The following BTBD9 variants were observed in gnomAD, a reference collection of about 807,000 sequenced individuals.
The protein encoded by BTBD9 is BTB/POZ domain-containing protein 9.
In BTBD9, 49 loss-of-function variants were observed where a neutral mutation model predicts 64.3. The observed-to-expected ratio is 0.76, with a 90% CI of 0.61 to 0.97. The LOEUF (loss-of-function observed/expected upper bound fraction) is 0.97, where lower values mean the gene tolerates loss of function less well. Ranked by LOEUF, BTBD9 falls within the 50% of genes least tolerant of loss-of-function variation. The probability of loss-of-function intolerance (pLI) is 0.00; values close to 1 mark genes in which losing one functional copy is unlikely to be tolerated. For synonymous variants in BTBD9, 260 were observed against 274.7 expected, an observed-to-expected ratio of 0.95 and a Z score of 0.53; for missense variants, 598 against 762.1, an observed-to-expected ratio of 0.78 and a Z score of 2.53.
chr6:38,208,161 T>C (rs1258017214), intron 9 of BTBD9, among the ~76,000 whole-genome samples: 1 of 152,156 alleles, frequency 6.6e-6, no homozygotes, highest in Non-Finnish European at 1.5e-5. Context: ...ATAAAAGCTG[T>C]CCCCTGTCAA....
At chr6:38,415,099 T>C (rs1582391548) in intron 6 of BTBD9, among the ~76,000 whole-genome samples, 3 of 152,232 alleles carry the variant, frequency 2.0e-5, no homozygotes. Context: ...TCATTATCAA[T>C]ATAGACCTAG....
At chr6:38,261,725 T>C (rs1764800902) in intron 8 of BTBD9, among the ~76,000 whole-genome samples, 1 of 152,232 alleles carries the variant, frequency 6.6e-6, no homozygotes, top group African/African-American at 2.4e-5. Flanking sequence ...ATTCTTTTTT[T>C]CTGAACAGCA....
intron 1 of BTBD9, among the ~76,000 whole-genome samples, chr6:38,638,263 T>A (rs1008667647): frequency 5.3e-5 from 8 of 152,158 alleles, no homozygotes; most frequent in Non-Finnish European, 1.0e-4. Flanking sequence ...AATTATTTTA[T>A]ACATCTCCTA....
At chr6:38,235,810 G>T (rs1763758301) in intron 9 of BTBD9, among the ~76,000 whole-genome samples, 1 of 151,832 alleles carries the variant, frequency 6.6e-6, no homozygotes, top group Non-Finnish European at 1.5e-5. Context: ...CCTTTTTTGT[G>T]CCAGGGATCT....
At chr6:38,424,600 G>A (rs1408264918) in intron 6 of BTBD9, among the ~76,000 whole-genome samples, 1 of 151,010 alleles carries the variant, frequency 6.6e-6, no homozygotes, top group Non-Finnish European at 1.5e-5. Flanking sequence ...CATTGCAACC[G>A]CTGCCTCCCG....
At chr6:38,210,986 C>G (rs1762814207) in intron 9 of BTBD9, among the ~76,000 whole-genome samples, 1 of 152,204 alleles carries the variant, frequency 6.6e-6, no homozygotes, top group Non-Finnish European at 1.5e-5. Context: ...CAGCTCCCCT[C>G]CCCTTCCCCA....
At chr6:38,449,429 C>T (rs550662069) in intron 6 of BTBD9, among the ~76,000 whole-genome samples, 3 of 152,008 alleles carry the variant, frequency 2.0e-5, no homozygotes, top group Non-Finnish European at 4.4e-5. Flanking sequence ...GACACATAGA[C>T]TAGTGAACAG....
At chr6:38,206,124 TTTGTGTTGCTCTGACAACACAAA>T (rs1211506643) in intron 9 of BTBD9, among the ~76,000 whole-genome samples, 1 of 151,832 alleles carries the variant, frequency 6.6e-6, no homozygotes, top group African/African-American at 2.4e-5. Context: ...GTTACAAGAA[TTTGTGTTGCTCTGACAACACAAA>T]TTGTGTTGTG....
At chr6:38,473,258 CT>C (rs1770727559) in intron 6 of BTBD9, among the ~76,000 whole-genome samples, 1 of 152,104 alleles carries the variant, frequency 6.6e-6, no homozygotes, top group Non-Finnish European at 1.5e-5. Context: ...GCTCTGGAAC[CT>C]CAATAAAAAG....
At chr6:38,282,068 TAAGTCTTAAACTAAGGCG>T (rs1761531874) in intron 8 of BTBD9, among the ~76,000 whole-genome samples, 1 of 152,156 alleles carries the variant, frequency 6.6e-6, no homozygotes, top group Non-Finnish European at 1.5e-5. Flanking sequence ...AGAAAGATAA[TAAGTCTTAAACTAAGGCG>T]ACAGAGGGAC....
chr6:38,220,110 G>A (rs1763150038), intron 9 of BTBD9, among the ~76,000 whole-genome samples: 1 of 152,212 alleles, frequency 6.6e-6, no homozygotes. Flanking sequence ...GGCAATGGAG[G>A]TGGGTACAGG....
intron 8 of BTBD9, among the ~76,000 whole-genome samples, chr6:38,283,524 C>T (rs771250750): frequency 3.7e-4 from 57 of 152,272 alleles, no homozygotes; most frequent in Middle Eastern, 3.4e-3. Flanking sequence ...TGGTGCATGC[C>T]TGTGGTCCCA....
At chr6:38,436,827 G>C (rs1321652188) in intron 6 of BTBD9, among the ~76,000 whole-genome samples, 2 of 152,194 alleles carry the variant, frequency 1.3e-5, no homozygotes, top group African/African-American at 2.4e-5. Context: ...ACTCATGGTT[G>C]TTGGCATTAT....
At chr6:38,202,404 A>G (rs1293397986) in intron 9 of BTBD9, among the ~76,000 whole-genome samples, 1 of 151,986 alleles carries the variant, frequency 6.6e-6, no homozygotes, top group Non-Finnish European at 1.5e-5. Context: ...TTTTACAGAA[A>G]CAGAAAAAAA....
At chr6:38,639,191 T>C (rs1470252736) in intron 1 of BTBD9, among the ~76,000 whole-genome samples, 1 of 152,204 alleles carries the variant, frequency 6.6e-6, no homozygotes, top group Non-Finnish European at 1.5e-5. Flanking sequence ...GTAACAACAA[T>C]GTACTAAAAC....
chr6:38,274,791 T>C (rs963995644), intron 8 of BTBD9, among the ~76,000 whole-genome samples: 1 of 152,156 alleles, frequency 6.6e-6, no homozygotes, highest in African/African-American at 2.4e-5. Flanking sequence ...CAGTATTTTA[T>C]TGAGGATTTT....
intron 7 of BTBD9, among the ~76,000 whole-genome samples, chr6:38,321,831 AC>A (rs1387677950): frequency 1.3e-5 from 2 of 151,718 alleles, no homozygotes; most frequent in African/African-American, 4.8e-5. Flanking sequence ...ATACACACAC[AC>A]ACACACACAC....
intron 9 of BTBD9, among the ~76,000 whole-genome samples, chr6:38,211,246 G>A (rs1051514954): frequency 1.3e-5 from 2 of 151,954 alleles, no homozygotes; most frequent in Non-Finnish European, 1.5e-5. Context: ...TGGCTAACAC[G>A]GTGAAACCCC....
At chr6:38,364,181 T>C (rs1765094887) in intron 6 of BTBD9, among the ~76,000 whole-genome samples, 1 of 152,154 alleles carries the variant, frequency 6.6e-6, no homozygotes, top group South Asian at 2.1e-4. Flanking sequence ...TGGAGGACAC[T>C]GTGTTTAAAT....
Sources: gnomAD v4.1 joint callset for allele counts (sites outside exome capture counted in the v4.1 genomes callset) on GRCh38, gnomAD v4.1.1 for gene constraint, MANE v1.5 for transcripts, NCBI Gene and HGNC (gene_info 2026-07-23, HGNC 2026-07-21) for gene names.